RCAN2: variants seen among roughly 807,000 people sequenced by gnomAD.
RCAN2 encodes the protein regulator of calcineurin 2.
A neutral mutation model predicts 23.6 loss-of-function variants in RCAN2; 9 were observed. The ratio of observed to expected loss-of-function variants is 0.38; its 90% CI spans 0.23 to 0.67. The LOEUF is 0.67. Among genes scored for constraint, RCAN2 ranks in the 30% least tolerant of loss-of-function variants. The probability of loss-of-function intolerance (pLI) is 0.51; values close to 1 mark genes in which losing one functional copy is unlikely to be tolerated. For missense variants in RCAN2, 273 were observed against 302.3 expected (o/e 0.90, Z 0.72); for synonymous variants, 109 against 115.7 (o/e 0.94, Z 0.37).
At chr6:46,311,130 C>T (rs1366592328) in intron 2 of RCAN2, among the ~76,000 whole-genome samples, 1 of 152,184 alleles carries the variant, frequency 6.6e-6, no homozygotes, top group Non-Finnish European at 1.5e-5. Flanking sequence ...AAATTAGTAA[C>T]TATTAGGGCC....
At chr6:46,279,514 G>A (rs9472732) in intron 2 of RCAN2, among the ~76,000 whole-genome samples, 2,436 of 152,322 alleles carry the variant, frequency 0.016, 68 homozygotes, top group African/African-American at 0.055. Flanking sequence ...GTGACAACGT[G>A]TTTGCAGATA....
intron 1 of RCAN2, chr6:46,468,824 G>C (rs1479655993): frequency 2.0e-6 from 2 of 985,086 alleles, no homozygotes; most frequent in Middle Eastern, 5.2e-4. Context: ...TTCTCAACTT[G>C]AGTGACTTCC....
intron 2 of RCAN2, among the ~76,000 whole-genome samples, chr6:46,283,003 C>A (rs1762251075): frequency 6.6e-6 from 1 of 152,184 alleles, no homozygotes; most frequent in Non-Finnish European, 1.5e-5. Flanking sequence ...ATTTGGAAAT[C>A]TTTCTGCATG....
intron 2 of RCAN2, among the ~76,000 whole-genome samples, chr6:46,304,421 T>C (rs1295342435): frequency 1.3e-5 from 2 of 152,170 alleles, no homozygotes; most frequent in Non-Finnish European, 2.9e-5. Context: ...GAGTTCTTAA[T>C]TTTTAATAAA....
At chr6:46,464,148 G>T (rs1413800561) in intron 1 of RCAN2, among the ~76,000 whole-genome samples, 1 of 152,082 alleles carries the variant, frequency 6.6e-6, no homozygotes, top group Non-Finnish European at 1.5e-5. Flanking sequence ...GACAAAAACT[G>T]GGAATACAAT....
chr6:46,262,274 C>T (rs561159572), intron 2 of RCAN2, among the ~76,000 whole-genome samples: 1 of 152,274 alleles, frequency 6.6e-6, no homozygotes, highest in South Asian at 2.1e-4. Context: ...TTCTCCCTCA[C>T]TTCCACATCC....
At chr6:46,487,158 C>T (rs1195768506) in intron 1 of RCAN2, among the ~76,000 whole-genome samples, 1 of 152,122 alleles carries the variant, frequency 6.6e-6, no homozygotes, top group Non-Finnish European at 1.5e-5. Flanking sequence ...CCAGTATGAC[C>T]AACCTTGGCA....
chr6:46,402,011 G>C (rs1327389220), intron 2 of RCAN2, among the ~76,000 whole-genome samples: 1 of 152,148 alleles, frequency 6.6e-6, no homozygotes, highest in African/African-American at 2.4e-5. Flanking sequence ...ACACCATCGA[G>C]AGTCTGAGAT....
chr6:46,380,670 C>A (rs113554974), intron 2 of RCAN2, among the ~76,000 whole-genome samples: 1 of 152,166 alleles, frequency 6.6e-6, no homozygotes, highest in South Asian at 2.1e-4. Flanking sequence ...AAACACTGGT[C>A]TAGGACTAAA....
At chr6:46,331,239 G>A (rs1473472554) in intron 2 of RCAN2, among the ~76,000 whole-genome samples, 1 of 151,608 alleles carries the variant, frequency 6.6e-6, no homozygotes, top group Non-Finnish European at 1.5e-5. Context: ...TCCAATTCCT[G>A]GCCTCAAGTG....
At position 46,449,334 on chromosome 6, in the gene RCAN2, T is replaced by C. The variant is rs1767807314; in HGVS notation, c.225+7418A>G. The stretch of plus-strand genomic sequence containing the variant: ...ATGAAGGAATCTGAAGAAGACACAA[T>C]AAATGAAAAGATATTCTATCTTCAG... On this transcript the variant is annotated intron_variant, in intron 2 of 4. Transcript: ENST00000371374. Among the ~76,000 whole-genome samples the C allele has an allele frequency of 3.3e-5, 5 of 151,326 alleles. No homozygotes were observed. In the South Asian group the frequency reaches 1.0e-3, roughly 31 times the overall value.
intron 2 of RCAN2, among the ~76,000 whole-genome samples, chr6:46,423,968 C>T (rs978119476): frequency 6.6e-6 from 1 of 152,148 alleles, no homozygotes; most frequent in African/African-American, 2.4e-5. Flanking sequence ...AGGTAACTAA[C>T]CCAAGAACAC....
intron 2 of RCAN2, among the ~76,000 whole-genome samples, chr6:46,422,723 T>G (rs1479912497): frequency 2.0e-5 from 3 of 152,108 alleles, no homozygotes; most frequent in Non-Finnish European, 4.4e-5. Flanking sequence ...ATGGGAACAA[T>G]CCATTCTTGT....
At chr6:46,228,550 G>A (rs1338660002) in intron 4 of RCAN2, among the ~76,000 whole-genome samples, 4 of 151,892 alleles carry the variant, frequency 2.6e-5, no homozygotes, top group African/African-American at 9.7e-5. Context: ...GTATCTTTTG[G>A]TCTTTGTTGG....
chr6:46,366,559 C>T (rs984714511), intron 2 of RCAN2, among the ~76,000 whole-genome samples: 1 of 152,034 alleles, frequency 6.6e-6, no homozygotes, highest in Non-Finnish European at 1.5e-5. Context: ...CTGCATTGAC[C>T]TGTTTAGCAA....
chr6:46,313,476 C>A (rs1363189506), intron 2 of RCAN2, among the ~76,000 whole-genome samples: 3 of 152,192 alleles, frequency 2.0e-5, no homozygotes, highest in Non-Finnish European at 4.4e-5. Context: ...ATTTATTGAT[C>A]ACCTATATCC....
At chr6:46,444,819 A>G (rs1483717505) in intron 2 of RCAN2, among the ~76,000 whole-genome samples, 1 of 152,012 alleles carries the variant, frequency 6.6e-6, no homozygotes, top group African/African-American at 2.4e-5. Context: ...CACCCCTTGG[A>G]CCCAGATACC....
intron 2 of RCAN2, among the ~76,000 whole-genome samples, chr6:46,284,286 C>G (rs1395165498): frequency 6.6e-6 from 1 of 152,022 alleles, no homozygotes. Context: ...TTAGTCTCGG[C>G]AGAGTGGGCA....
intron 2 of RCAN2, among the ~76,000 whole-genome samples, chr6:46,313,384 TAC>T (rs1763327350): frequency 6.6e-6 from 1 of 152,238 alleles, no homozygotes; most frequent in South Asian, 2.1e-4. Flanking sequence ...CAGTACCTAC[TAC>T]ACACTGAGTG....
Sources: allele counts gnomAD v4.1 joint callset (sites outside exome capture counted in the v4.1 genomes callset), GRCh38; gene constraint gnomAD v4.1.1; transcripts MANE v1.5; gene names NCBI Gene and HGNC (gene_info 2026-07-23, HGNC 2026-07-21).